Variants in GALNT10 observed in about 807,000 individuals in gnomAD.
The protein encoded by GALNT10 is GalNAc transferase 10.
Under a neutral mutation model 75.0 loss-of-function variants are expected in GALNT10, and 41 were observed. That is an observed-to-expected ratio of 0.55 (90% CI 0.43 to 0.71). GALNT10 has a LOEUF of 0.71. Ranked by LOEUF, GALNT10 falls within the 30% of genes least tolerant of loss-of-function variation. The pLI is 0.00. For synonymous variants in GALNT10, 302 were observed against 313.0 expected, an observed-to-expected ratio of 0.96 and a Z score of 0.37; for missense variants, 727 against 818.5, an observed-to-expected ratio of 0.89 and a Z score of 1.36.
chr5:154,291,230 C>T (rs538945307), intron 1 of GALNT10, among the ~76,000 whole-genome samples: 1 of 152,130 alleles, frequency 6.6e-6, no homozygotes, highest in Non-Finnish European at 1.5e-5. Flanking sequence ...TCCCTGTACC[C>T]CATTCCCAGT....
chr5:154,199,581 G>T (rs1774993429), intron 1 of GALNT10, among the ~76,000 whole-genome samples: 1 of 152,200 alleles, frequency 6.6e-6, no homozygotes, highest in Non-Finnish European at 1.5e-5. Flanking sequence ...ATTGGCTGGG[G>T]CGGTAGAGCT....
intron 3 of GALNT10, among the ~76,000 whole-genome samples, chr5:154,306,604 T>G (rs926751272): frequency 4.6e-5 from 7 of 152,106 alleles, no homozygotes; most frequent in Non-Finnish European, 8.8e-5. Flanking sequence ...GACATCAACT[T>G]CCACTTTCAG....
chr5:154,244,429 AAG>A (rs922009931), intron 1 of GALNT10, among the ~76,000 whole-genome samples: 4 of 152,130 alleles, frequency 2.6e-5, no homozygotes, highest in African/African-American at 9.7e-5. Context: ...TTAAAAAAAA[AAG>A]AATTATTTCA....
chr5:154,286,058 GTCTGA>G (rs1754106670), intron 1 of GALNT10, among the ~76,000 whole-genome samples: 1 of 152,178 alleles, frequency 6.6e-6, no homozygotes, highest in African/African-American at 2.4e-5. Context: ...GATCCCCCCA[GTCTGA>G]TCTGAAAGAA....
intron 1 of GALNT10, among the ~76,000 whole-genome samples, chr5:154,197,850 G>A (rs1343401680): frequency 6.6e-6 from 1 of 152,198 alleles, no homozygotes; most frequent in Non-Finnish European, 1.5e-5. Flanking sequence ...AGAGGGGCAG[G>A]TGCTTGCCCA....
chr5:154,413,452 G>T (rs1233606771), intron 10 of GALNT10, among the ~76,000 whole-genome samples: 1 of 152,180 alleles, frequency 6.6e-6, no homozygotes. Context: ...CATGAATTGT[G>T]TCCCTGAGCT....
At chr5:154,344,495 C>A (rs1229371364) in intron 4 of GALNT10, among the ~76,000 whole-genome samples, 1 of 152,164 alleles carries the variant, frequency 6.6e-6, no homozygotes, top group African/African-American at 2.4e-5. Context: ...CAGGCATGAG[C>A]CACTGCGCCT....
intron 10 of GALNT10, among the ~76,000 whole-genome samples, chr5:154,413,337 C>G: frequency 6.6e-6 from 1 of 152,206 alleles, no homozygotes; most frequent in Middle Eastern, 3.2e-3. Context: ...CTCTGCGGGC[C>G]TCATTCTCAA....
intron 1 of GALNT10, among the ~76,000 whole-genome samples, chr5:154,197,902 T>A (rs1774970052): frequency 6.6e-6 from 1 of 152,200 alleles, no homozygotes; most frequent in Non-Finnish European, 1.5e-5. Flanking sequence ...ATTTGAACTC[T>A]GACCTAGTGC....
chr5:154,287,551 G>A (rs62381153), intron 1 of GALNT10: 12,454 of 152,080 alleles, frequency 0.082, 533 homozygotes, highest in Middle Eastern at 0.11. Context: ...AATATCTATC[G>A]AATTTATCTG....
At chr5:154,302,917 G>A (rs1316554600) in intron 3 of GALNT10, among the ~76,000 whole-genome samples, 2 of 152,166 alleles carry the variant, frequency 1.3e-5, no homozygotes. Context: ...AAGGAAGGGA[G>A]TTATCACCTA....
intron 1 of GALNT10, among the ~76,000 whole-genome samples, chr5:154,289,878 A>G (rs976480261): frequency 1.3e-5 from 2 of 152,168 alleles, no homozygotes; most frequent in African/African-American, 4.8e-5. Flanking sequence ...TCAAACCTGA[A>G]TCCCTGGTGC....
intron 1 of GALNT10, among the ~76,000 whole-genome samples, chr5:154,262,314 C>T (rs1015587179): frequency 1.3e-5 from 2 of 152,194 alleles, no homozygotes; most frequent in Non-Finnish European, 2.9e-5. Flanking sequence ...CCTTCTGTCC[C>T]TCTCAGCTCA....
At chr5:154,397,545 T>A (rs938016620) in intron 7 of GALNT10, among the ~76,000 whole-genome samples, 18 of 152,198 alleles carry the variant, frequency 1.2e-4, no homozygotes, top group African/African-American at 4.3e-4. Flanking sequence ...TAAAACTTGC[T>A]TAACAGCCTG....
chr5:154,343,969 C>T (rs35674275), intron 4 of GALNT10, among the ~76,000 whole-genome samples: 55,698 of 151,968 alleles, frequency 0.37, 12,188 homozygotes, highest in East Asian at 0.61. Context: ...GAGGCCAGGT[C>T]GCTGATCCTG....
chr5:154,309,015 T>C (rs934353772), intron 3 of GALNT10, among the ~76,000 whole-genome samples: 1 of 152,172 alleles, frequency 6.6e-6, no homozygotes, highest in Admixed American at 6.5e-5. Flanking sequence ...AATGGATTGA[T>C]TTTTTAGATA....
chr5:154,328,094 A>T (rs1320092090), intron 3 of GALNT10, among the ~76,000 whole-genome samples: 1 of 151,214 alleles, frequency 6.6e-6, no homozygotes, highest in Non-Finnish European at 1.5e-5. Context: ...AAAAAAAAAA[A>T]GGAGGGCAGA....
At chr5:154,198,435 T>G (rs1774978348) in intron 1 of GALNT10, among the ~76,000 whole-genome samples, 1 of 152,190 alleles carries the variant, frequency 6.6e-6, no homozygotes, top group African/African-American at 2.4e-5. Flanking sequence ...TGGCTTCCCT[T>G]TGGCGGAGGT....
intron 4 of GALNT10, among the ~76,000 whole-genome samples, chr5:154,339,562 G>A (rs1333544661): frequency 2.0e-5 from 3 of 151,406 alleles, no homozygotes; most frequent in Non-Finnish European, 2.9e-5. Context: ...TGATTTACTG[G>A]GAGAGCAAAA....
Sources: gnomAD v4.1 joint callset for allele counts (sites outside exome capture counted in the v4.1 genomes callset) on GRCh38, gnomAD v4.1.1 for gene constraint, MANE v1.5 for transcripts, NCBI Gene and HGNC (gene_info 2026-07-23, HGNC 2026-07-21) for gene names.